FBXO36: variants seen among roughly 807,000 people sequenced by gnomAD.
FBXO36 encodes the protein F-box only protein 36.
Under a neutral mutation model 17.0 loss-of-function variants are expected in FBXO36, and 18 were observed. That is an observed-to-expected ratio of 1.06 (90% CI 0.73 to 1.57). The LOEUF is 1.57. FBXO36 is among the 40% of genes most tolerant of loss of function. FBXO36 has a pLI of 0.00. For synonymous variants in FBXO36, 83 were observed against 85.3 expected, an observed-to-expected ratio of 0.97 and a Z score of 0.15; for missense variants, 229 against 221.9, an observed-to-expected ratio of 1.03 and a Z score of -0.20.
At position 229,996,754 on chromosome 2, in the gene FBXO36, A is replaced by G. The variant is rs2077329561; in HGVS notation, c.209A>G (p.Gln70Arg). The stretch of plus-strand genomic sequence containing the variant: ...TGTTGGCTTCTTTGAATTACAGGTC[A>G]AACTGCCTTAATATTTGGTGCAAGA... ...DFLENSHLQGQTALIFGARIL... is the reference protein window; with the variant it reads ...DFLENSHLQGRTALIFGARIL... Residue 70 changes from glutamine (Q) to arginine (R), a missense_variant, in exon 3 of 4, where the codon CAA becomes CGA. By Grantham distance (43) the Gln-to-Arg change is conservative. Transcript: ENST00000283946. The G allele has an allele frequency of 6.2e-7, 1 of 1,606,348 alleles. No homozygotes were observed.
chr2:229,928,875 C>T (rs765406742), intron 1 of FBXO36, among the ~76,000 whole-genome samples: 1 of 152,118 alleles, frequency 6.6e-6, no homozygotes, highest in Admixed American at 6.5e-5. Flanking sequence ...ATCCTTGCGC[C>T]TCTGTGTCCC....
Position 229,976,278 on chromosome 2 carries a change from A to G in FBXO36, c.134A>G (p.Glu45Gly). ...FRWWKISLRS[E>G]YRSTKPGEAK... ...TGGTGGAAGATCTCTCTAAGGAGTG[A>G]GTATCGATCAACAAAACCTGGAGAA... The change falls in exon 2 of 4, where the codon GAG becomes GGG. Residue 45 changes from glutamate (E) to glycine (G), a missense_variant. By Grantham distance (98) the Glu-to-Gly change is moderately conservative. Transcript: ENST00000283946. 6.2e-7 allele frequency: 1 copy of G among 1,613,518 alleles called. No homozygotes were observed. The highest frequency in any genetic ancestry group is 1.1e-5 in the South Asian group (1 of 90,990).
intron 3 of FBXO36, among the ~76,000 whole-genome samples, chr2:230,003,000 C>G (rs1455910806): frequency 1.3e-5 from 2 of 151,802 alleles, no homozygotes; most frequent in African/African-American, 4.8e-5. Context: ...ATCACGAGGT[C>G]AGGAGATCAA....
chr2:229,985,313 A>G (rs1383176343), intron 2 of FBXO36, among the ~76,000 whole-genome samples: 2 of 152,180 alleles, frequency 1.3e-5, no homozygotes, highest in Non-Finnish European at 1.5e-5. Context: ...TTGCCCTCCA[A>G]AAAACTGCTG....
intron 1 of FBXO36, 145 bp downstream of exon 1, chr2:229,922,754 T>TCACCTCGGC (rs1039327201): frequency 1.1e-4 from 85 of 787,956 alleles, no homozygotes; most frequent in Non-Finnish European, 1.6e-4. Flanking sequence ...ATTTTCCTCG[T>TCACCTCGGC]CACCTCGGCC....
At chr2:230,009,517 G>A (rs2077403756) in intron 3 of FBXO36, among the ~76,000 whole-genome samples, 1 of 152,184 alleles carries the variant, frequency 6.6e-6, no homozygotes, top group Admixed American at 6.6e-5. Flanking sequence ...CTACTTTCAA[G>A]ACCAAGAAGT....
chr2:230,010,876 C>T lies in FBXO36; in HGVS notation c.559C>T (p.Gln187Ter). The T allele has an allele frequency of 2.5e-6, 4 of 1,607,968 alleles. No homozygotes were observed. Among genetic ancestry groups the T allele is most frequent in the Non-Finnish European group, 3.4e-6 (4 of 1,176,132 alleles). The change falls in exon 4 of 4, where the codon CAA becomes TAA. Residue 187 changes from glutamine to a stop codon, truncating the protein, a stop_gained. Coordinates refer to ENST00000283946, the MANE Select transcript of FBXO36 (RefSeq NM_174899.5). LOFTEE classifies it high-confidence loss of function. ...AAAATATGGAAACCTGAGAGAAAAG[C>T]AACCTTAGGCACACATTTTCCTACC... ...KQKYGNLREKQP is the reference protein window; with the variant it reads ...KQKYGNLREK
chr2:229,948,666 T>C (rs1448750682), intron 1 of FBXO36, among the ~76,000 whole-genome samples: 3 of 152,086 alleles, frequency 2.0e-5, no homozygotes, highest in Non-Finnish European at 4.4e-5. Flanking sequence ...CCTTTTCATC[T>C]CTTCCTCCTT....
intron 1 of FBXO36, among the ~76,000 whole-genome samples, chr2:229,933,506 C>A (rs951016174): frequency 1.3e-5 from 2 of 152,250 alleles, no homozygotes; most frequent in East Asian, 1.9e-4. Context: ...GTGGCTACTT[C>A]ACAAATATAG....
chr2:229,942,555 C>T (rs2077004887), intron 1 of FBXO36, among the ~76,000 whole-genome samples: 1 of 152,150 alleles, frequency 6.6e-6, no homozygotes, highest in South Asian at 2.1e-4. Context: ...GGCCTAGCAG[C>T]TTCCAGGGGC....
intron 2 of FBXO36, among the ~76,000 whole-genome samples, chr2:229,979,449 G>C (rs941871142): frequency 6.6e-6 from 1 of 151,702 alleles, no homozygotes; most frequent in Non-Finnish European, 1.5e-5. Flanking sequence ...GTTTTGTTTA[G>C]AGAGGGAAGG....
chr2:229,960,209 G>T lies in FBXO36; in HGVS notation c.97-16032G>T, dbSNP rs112318678. Reference sequence around the variant, plus strand: ...TTATTTATTTTTGAGATGGGGTCTCGCTCTGTCATCCAGGCTGTAGTGCAA... The same window carrying T: ...TTATTTATTTTTGAGATGGGGTCTCTCTCTGTCATCCAGGCTGTAGTGCAA... On this transcript the variant is annotated intron_variant, in intron 1 of 3. Coordinates refer to ENST00000283946, the MANE Select transcript of FBXO36 (RefSeq NM_174899.5). 5.2e-3 allele frequency among the ~76,000 whole-genome samples: 794 copies of T among 151,764 alleles called. 10 individuals are homozygous for T. Among genetic ancestry groups the T allele is most frequent in the African/African-American group, 0.017 (715 of 41,342 alleles).
chr2:229,959,595 G>C (rs888675875), intron 1 of FBXO36, among the ~76,000 whole-genome samples: 5 of 151,922 alleles, frequency 3.3e-5, no homozygotes, highest in Non-Finnish European at 5.9e-5. Context: ...CCTGGAATCC[G>C]AGCACTTTGG....
Position 230,011,421 on chromosome 2 carries a change from C to T in FBXO36, c.*537C>T, listed in dbSNP as rs2077414834. 6.6e-6 allele frequency: 1 copy of T among 152,354 alleles called. No individual in the cohort carries two copies. Among genetic ancestry groups the T allele is most frequent in the Non-Finnish European group, 1.5e-5 (1 of 68,290 alleles). 9.4% of individuals were successfully genotyped at this position (152,354 alleles called of 1,614,324 possible). On this transcript the variant is annotated 3_prime_UTR_variant, in exon 4 of 4. Transcript: ENST00000283946. ...GTTCTGCTAAGTCCATATTCAGGGC[C>T]CTATCCTTGTGAGCCCAGGATGCCA...
chr2:229,939,773 C>T (rs2076987735), intron 1 of FBXO36, among the ~76,000 whole-genome samples: 1 of 152,186 alleles, frequency 6.6e-6, no homozygotes, highest in Non-Finnish European at 1.5e-5. Context: ...TACAGCAGCT[C>T]CTCGAGACCC....
In FBXO36 at chr2:229,996,141, G is replaced by GGT. The variant is rs2077325957; in HGVS notation, c.206-608_206-607dup. On this transcript the variant is annotated intron_variant, in intron 2 of 3. Coordinates refer to ENST00000283946, the MANE Select transcript of FBXO36 (RefSeq NM_174899.5). ...AAAATTTAAAAAAATAGCCAGGCATGGTGGCACACACCAATAGTCCCAGCT... is the reference window on the plus strand; with the variant it reads ...AAAATTTAAAAAAATAGCCAGGCATGGTGTGGCACACACCAATAGTCCCAGCT... Among the ~76,000 whole-genome samples the GGT allele has an allele frequency of 2.0e-5, 3 of 152,014 alleles. No individual in the cohort carries two copies. The East Asian group carries it at 5.8e-4, about 29-fold the overall frequency.
At position 229,967,115 on chromosome 2, in the gene FBXO36, AG is replaced by A. The variant is rs1051238168; in HGVS notation, c.97-9124del. 1.5e-3 allele frequency among the ~76,000 whole-genome samples: 233 copies of A among 152,234 alleles called. 2 individuals are homozygous for A. The highest frequency in any genetic ancestry group is 5.4e-3 in the African/African-American group (224 of 41,544). On this transcript the variant is annotated intron_variant, in intron 1 of 3. Coordinates refer to ENST00000283946, the MANE Select transcript of FBXO36 (RefSeq NM_174899.5). ...CACATCCCTTGTAAGTTGGATTCCTAGGTATTTTATTCTCTTTGAAGCAATT... is the reference window on the plus strand; with the variant it reads ...CACATCCCTTGTAAGTTGGATTCCTAGTATTTTATTCTCTTTGAAGCAATT...
At chr2:229,982,361 C>T (rs2106199726) in intron 2 of FBXO36, among the ~76,000 whole-genome samples, 1 of 152,180 alleles carries the variant, frequency 6.6e-6, no homozygotes, top group South Asian at 2.1e-4. Flanking sequence ...AATGGCAGGT[C>T]TTGTCTTTCT....
In FBXO36 at chr2:229,946,364, C is replaced by T. The variant is rs561303192; in HGVS notation, c.96+23755C>T. Among the ~76,000 whole-genome samples, 6 of 152,334 alleles carry T rather than the reference C, an allele frequency of 3.9e-5. No homozygotes were observed. The South Asian group carries it at 1.0e-3, about 26-fold the overall frequency. On this transcript the variant is annotated intron_variant, in intron 1 of 3. Coordinates refer to ENST00000283946, the MANE Select transcript of FBXO36 (RefSeq NM_174899.5). ...TTATGCTACTCCTCCACTTGGAACA[C>T]GCTTTCCCCAATCTTTGCCTAGTCA...
Sources: gnomAD v4.1 joint callset for allele counts (sites outside exome capture counted in the v4.1 genomes callset) on GRCh38, gnomAD v4.1.1 for gene constraint, MANE v1.5 for transcripts, NCBI Gene and HGNC (gene_info 2026-07-23, HGNC 2026-07-21) for gene names.